ABI1: variants seen among roughly 807,000 people sequenced by gnomAD.
ABI1 encodes the protein abl interactor 1, also known as Abelson interactor 1.
Under a neutral mutation model 54.6 loss-of-function variants are expected in ABI1, and 14 were observed. That is an observed-to-expected ratio of 0.26 (90% confidence interval 0.17 to 0.40). The LOEUF is 0.40. Ranked by LOEUF, ABI1 falls within the 10% of genes least tolerant of loss-of-function variation. The pLI is 1.00. For missense variants in ABI1, 443 were observed against 598.3 expected (o/e 0.74, Z 2.71); for synonymous variants, 194 against 209.3 (o/e 0.93, Z 0.63).
At chr10:26,856,942 T>C (rs934616136) in intron 1 of ABI1, among the ~76,000 whole-genome samples, 11 of 152,208 alleles carry the variant, frequency 7.2e-5, no homozygotes, top group African/African-American at 2.2e-4. Context: ...AATTAAGCAC[T>C]GTCCTTGGCA....
In ABI1 at chr10:26,839,900, G is replaced by A. The variant is rs890588470; in HGVS notation, c.118-16595C>T. On this transcript the variant is annotated intron_variant, in intron 1 of 10. Coordinates refer to ENST00000376140, the MANE Select transcript of ABI1 (RefSeq NM_001012750.3). Reference sequence around the variant, plus strand: ...AACAACTTGGAAGGCTAAGGCAAGGGAACTGCTGGAACCCAGGACTTTGGG... The same window carrying A: ...AACAACTTGGAAGGCTAAGGCAAGGAAACTGCTGGAACCCAGGACTTTGGG... 12 of 611,532 alleles carry A rather than the reference G, an allele frequency of 2.0e-5. No individual in the cohort carries two copies. In the Admixed American group the frequency reaches 2.0e-4, roughly 10 times the overall value. The allele number at this position is 611,532 out of a possible 1,614,324, so 37.9% of individuals were successfully genotyped here.
At chr10:26,842,971 G>T (rs950005743) in intron 1 of ABI1, among the ~76,000 whole-genome samples, 4 of 152,064 alleles carry the variant, frequency 2.6e-5, no homozygotes, top group Admixed American at 2.0e-4. Flanking sequence ...TTGAACCCGG[G>T]AGGAGGAGGC....
chr10:26,777,519 C>G (rs774087347), intron 2 of ABI1, among the ~76,000 whole-genome samples: 1 of 152,138 alleles, frequency 6.6e-6, no homozygotes. Flanking sequence ...GTGGCTCATG[C>G]CTGTAATATC....
Position 26,860,627 on chromosome 10 carries a change from A to AG in ABI1, c.117+119dup. ...TTGGGGCTGGGGTTGGGGCTGCGGT[A>AG]GGGGCTCGGGTTGGTGGCAGCCGCT... On this transcript the variant is annotated intron_variant, in intron 1 of 10. Transcript: ENST00000376140. This position sits in a 1 kb window ranked among gnomAD's most constrained non-coding sequence, Gnocchi z 4.1. 1.3e-6 allele frequency: 1 copy of AG among 764,354 alleles called. No individual in the cohort carries two copies. Among genetic ancestry groups the AG allele is most frequent in the African/African-American group, 1.7e-5 (1 of 58,448 alleles). 47.3% of individuals were successfully genotyped at this position (764,354 alleles called of 1,614,324 possible). A position where few individuals can be genotyped will look rare whatever the true frequency, so the allele number is the denominator to read the frequency against.
intron 1 of ABI1, among the ~76,000 whole-genome samples, chr10:26,855,437 T>C (rs1280593795): frequency 6.6e-6 from 1 of 152,218 alleles, no homozygotes; most frequent in Admixed American, 6.5e-5. Context: ...AAGGAAGTCC[T>C]GACTGCCAAT....
chr10:26,769,107 A>T (rs748755749), intron 5 of ABI1, 115 bp from the exon 6 acceptor site: 134 of 783,320 alleles, frequency 1.7e-4, no homozygotes, highest in Non-Finnish European at 1.7e-4. Flanking sequence ...AAAAATATAT[A>T]TGACAAAGTT....
At position 26,824,482 on chromosome 10, in the gene ABI1, T is replaced by C. The variant is rs574897699; in HGVS notation, c.118-1177A>G. On this transcript the variant is annotated intron_variant, in intron 1 of 10. Transcript: ENST00000376140. ...TGGAAACAACCCATATAACTATCAA[T>C]AGGAGACTGTTTGAATAAGCTATAA... 4.6e-5 allele frequency among the ~76,000 whole-genome samples: 7 copies of C among 152,254 alleles called. 1 individual carries two copies. The highest frequency in any genetic ancestry group is 1.7e-4 in the African/African-American group (7 of 41,544).
At chr10:26,857,742 G>A (rs989051658) in intron 1 of ABI1, among the ~76,000 whole-genome samples, 3 of 151,402 alleles carry the variant, frequency 2.0e-5, no homozygotes, top group Admixed American at 6.6e-5. Flanking sequence ...TCAGCTACAT[G>A]GGAGGCTGAG....
chr10:26,842,882 A>G (rs1447675634), intron 1 of ABI1, among the ~76,000 whole-genome samples: 1 of 151,956 alleles, frequency 6.6e-6, no homozygotes, highest in Non-Finnish European at 1.5e-5. Flanking sequence ...CACCTCTACT[A>G]AAAATATAAA....
In ABI1 at chr10:26,761,664, A is replaced by ATG. The variant is rs1415102575; in HGVS notation, c.821-2427_821-2426insCA. 3.9e-5 allele frequency among the ~76,000 whole-genome samples: 5 copies of ATG among 128,060 alleles called. No homozygotes were observed. In the East Asian group the frequency reaches 1.2e-3, roughly 31 times the overall value. The allele number at this position is 128,060 out of a possible 152,430, so 84.0% of individuals were successfully genotyped here. On this transcript the variant is annotated intron_variant, in intron 7 of 10. Coordinates refer to ENST00000376140, the MANE Select transcript of ABI1 (RefSeq NM_001012750.3). ...TATATATATATATATATATATATACACACACACATACACATATATAACCTT... is the reference window on the plus strand; with the variant it reads ...TATATATATATATATATATATATACATGCACACACATACACATATATAACCTT...
intron 2 of ABI1, among the ~76,000 whole-genome samples, chr10:26,820,952 A>G (rs1169822577): frequency 6.6e-6 from 1 of 151,884 alleles, no homozygotes; most frequent in Non-Finnish European, 1.5e-5. Flanking sequence ...TTAATAAAGT[A>G]TAAAATAAGG....
Position 26,755,732 on chromosome 10 carries a change from G to T in ABI1, c.1007C>A (p.Ala336Asp). 1 of 1,612,120 alleles carries T rather than the reference G, an allele frequency of 6.2e-7. No homozygotes were observed. Among genetic ancestry groups the T allele is most frequent in the Non-Finnish European group, 8.5e-7 (1 of 1,178,506 alleles). The change falls in exon 9 of 11, where the codon GCT becomes GAT. Residue 336 changes from alanine to aspartate, a missense_variant. Physicochemically the swap from Ala to Asp is moderately radical, Grantham distance 126. Around this residue, in one of 2 missense-constraint regions of ABI1, gnomAD observed 394 missense variants for 484.8 expected, o/e 0.81. Coordinates refer to ENST00000376140, the MANE Select transcript of ABI1 (RefSeq NM_001012750.3). ...PLYSQNSISI[A>D]PPPPPMPQLT... The stretch of plus-strand genomic sequence containing the variant: ...CTGAGGCATAGGGGGAGGGGGTGGA[G>T]CAATAGAAACTGGTAGCAACAACAC...
chr10:26,812,008 C>T (rs1267960795), intron 2 of ABI1, among the ~76,000 whole-genome samples: 1 of 152,130 alleles, frequency 6.6e-6, no homozygotes, highest in Non-Finnish European at 1.5e-5. Context: ...ATGGTGACTA[C>T]CAGCATTCCT....
chr10:26,857,320 CAAAAA>C (rs71403897), intron 1 of ABI1, among the ~76,000 whole-genome samples: 14 of 75,900 alleles, frequency 1.8e-4, no homozygotes, highest in African/African-American at 5.6e-4. Context: ...GACTCCATCT[CAAAAA>C]AAAAAAAAAA....
At chr10:26,829,354 G>A (rs772521481) in intron 1 of ABI1, among the ~76,000 whole-genome samples, 4 of 152,010 alleles carry the variant, frequency 2.6e-5, no homozygotes, top group Non-Finnish European at 2.9e-5. Context: ...CCTATAATCC[G>A]TATAGTGATG....
intron 2 of ABI1, among the ~76,000 whole-genome samples, chr10:26,804,882 A>G (rs866476839): frequency 6.6e-6 from 1 of 152,246 alleles, no homozygotes; most frequent in Non-Finnish European, 1.5e-5. Flanking sequence ...ACAGAGATGA[A>G]TAAAACATGG....
rs1476804133 is a variant in ABI1 at position 26,755,672 on chromosome 10, G to A, written c.1067C>T (p.Ala356Val). Residue 356 changes from alanine (A) to valine (V), a missense_variant, in exon 9 of 11, where the codon GCC becomes GTC. Coordinates refer to ENST00000376140, the MANE Select transcript of ABI1 (RefSeq NM_001012750.3). The part of the protein sequence containing the change: ...TPQIPLTGFV[A>V]RVQENIADSP... The stretch of plus-strand genomic sequence containing the variant: ...AAACTTACTGTTTTCCTGCACCCTG[G>A]CCACGAAGCCTGTGAGAGGTATCTG... The A allele has an allele frequency of 6.2e-7, 1 of 1,613,154 alleles. No individual in the cohort carries two copies. Among genetic ancestry groups the A allele is most frequent in the Non-Finnish European group, 8.5e-7 (1 of 1,179,442 alleles).
At position 26,748,494 on chromosome 10, in the gene ABI1, A is replaced by G; in HGVS notation, c.*76T>C. ...ATATGGGCACATTTTAAAACATATT[A>G]AGACAGTTCTGTTAACCATAATAGT... On this transcript the variant is annotated 3_prime_UTR_variant, in exon 11 of 11. Coordinates refer to ENST00000376140, the MANE Select transcript of ABI1 (RefSeq NM_001012750.3). The G allele has an allele frequency of 8.9e-7, 1 of 1,122,320 alleles. No homozygotes were observed. Among genetic ancestry groups the G allele is most frequent in the South Asian group, 1.7e-5 (1 of 57,484 alleles). 69.5% of individuals were successfully genotyped at this position (1,122,320 alleles called of 1,614,324 possible).
intron 1 of ABI1, among the ~76,000 whole-genome samples, chr10:26,828,954 C>T (rs1038533541): frequency 6.6e-6 from 1 of 152,126 alleles, no homozygotes; most frequent in African/African-American, 2.4e-5. Flanking sequence ...TAGCCGGGCG[C>T]GGTGGCTCAC....
Sources: allele counts gnomAD v4.1 joint callset (sites outside exome capture counted in the v4.1 genomes callset), GRCh38; gene constraint gnomAD v4.1.1; regional missense constraint gnomAD v4.1.1; non-coding constraint Gnocchi (gnomAD v3.1); transcripts MANE v1.5; gene names NCBI Gene and HGNC (gene_info 2026-07-23, HGNC 2026-07-21).